SPTBN1: variants seen among roughly 807,000 people sequenced by gnomAD.
The protein encoded by SPTBN1 is spectrin beta, non-erythrocytic 1, also known as spectrin beta chain, non-erythrocytic 1.
In SPTBN1, 32 loss-of-function variants were observed where a neutral mutation model predicts 266.4. That is an observed-to-expected ratio of 0.12 (90% CI 0.09 to 0.16). The LOEUF (loss-of-function observed/expected upper bound fraction) is 0.16. Among genes scored for constraint, SPTBN1 ranks in the 10% least tolerant of loss-of-function variants. SPTBN1 has a pLI of 1.00. For synonymous variants in SPTBN1, 1,336 were observed against 1,162.2 expected, an observed-to-expected ratio of 1.15 and a Z score of -3.04; for missense variants, 2,296 against 3,067.1, an observed-to-expected ratio of 0.75 and a Z score of 5.94.
chr2:54,533,897 C>A lies in SPTBN1; in HGVS notation c.148+7331C>A, dbSNP rs1671424687. ...AAGATTGATCTCTCTCTCTGTCTCT[C>A]TCTCACACACACACACACACACACA... On this transcript the variant is annotated intron_variant, in intron 2 of 35. Coordinates refer to ENST00000356805, the MANE Select transcript of SPTBN1 (RefSeq NM_003128.3). This position sits in a 1 kb window ranked among gnomAD's most constrained non-coding sequence, Gnocchi z 4.2. 2.1e-5 allele frequency among the ~76,000 whole-genome samples: 2 copies of A among 93,394 alleles called. No individual in the cohort carries two copies. Among genetic ancestry groups the A allele is most frequent in the African/African-American group, 9.2e-5 (2 of 21,692 alleles). 61.3% of individuals were successfully genotyped at this position (93,394 alleles called of 152,430 possible). A position where few individuals can be genotyped will look rare whatever the true frequency, so the allele number is the denominator to read the frequency against.
chr2:54,660,269 C>G (rs1056638358), intron 32 of SPTBN1: 23 of 1,312,072 alleles, frequency 1.8e-5, no homozygotes, highest in Non-Finnish European at 2.2e-5. Flanking sequence ...TGCCTTAAAG[C>G]AGCATACTTA....
intron 1 of SPTBN1, among the ~76,000 whole-genome samples, chr2:54,499,546 G>A (rs1403439156): frequency 6.6e-6 from 1 of 152,180 alleles, no homozygotes; most frequent in East Asian, 1.9e-4. Flanking sequence ...AATCCACCAG[G>A]TTGCTTTACA....
chr2:54,634,055 C>T (rs969474503), intron 17 of SPTBN1, among the ~76,000 whole-genome samples: 1 of 152,196 alleles, frequency 6.6e-6, no homozygotes, highest in Non-Finnish European at 1.5e-5. Context: ...GCATTCATAA[C>T]CTAGGGAAAA....
chr2:54,457,670 C>A (rs957837731), intron 1 of SPTBN1, among the ~76,000 whole-genome samples: 1 of 152,212 alleles, frequency 6.6e-6, no homozygotes, highest in Non-Finnish European at 1.5e-5. Flanking sequence ...GGGCTTGGCA[C>A]GGCCGCTCGG....
At position 54,522,765 on chromosome 2, in the gene SPTBN1, TAGAA is replaced by T. The variant is rs551213019; in HGVS notation, c.-47-3603_-47-3600del. Among the ~76,000 whole-genome samples the T allele has an allele frequency of 2.5e-4, 37 of 149,820 alleles. No homozygotes were observed. The South Asian group carries it at 3.4e-3, about 14-fold the overall frequency. Reference sequence around the variant, plus strand: ...TGGAAAGCAGTTGTTGGTTCAGTGATAGAAAGAGAGATTCGCAGGTGGGGGCAGG... The same window carrying T: ...TGGAAAGCAGTTGTTGGTTCAGTGATAGAGAGATTCGCAGGTGGGGGCAGG... On this transcript the variant is annotated intron_variant, in intron 1 of 35. Coordinates refer to ENST00000356805, the MANE Select transcript of SPTBN1 (RefSeq NM_003128.3).
At position 54,481,439 on chromosome 2, in the gene SPTBN1, TG is replaced by T. The variant is rs1278247673; in HGVS notation, c.-48+24922del. Among the ~76,000 whole-genome samples the T allele has an allele frequency of 4.5e-3, 385 of 85,232 alleles. 1 individual carries two copies. Among genetic ancestry groups the T allele is most frequent in the African/African-American group, 0.023 (352 of 15,166 alleles). 55.9% of individuals were successfully genotyped at this position (85,232 alleles called of 152,430 possible). ...GTGTGTGTGTGTGTGTGTGTGTGTG[TG>T]TTTTGTTTTGTTTGTTTGTTTGTTT... On this transcript the variant is annotated intron_variant, in intron 1 of 35. Coordinates refer to ENST00000356805, the MANE Select transcript of SPTBN1 (RefSeq NM_003128.3).
chr2:54,619,328 G>A (rs1286794464), intron 7 of SPTBN1, among the ~76,000 whole-genome samples: 2 of 152,204 alleles, frequency 1.3e-5, no homozygotes, highest in African/African-American at 4.8e-5. Context: ...CTTGGGCTTC[G>A]ATAAATCTTC....
chr2:54,494,529 T>A (rs1668863798), intron 1 of SPTBN1, among the ~76,000 whole-genome samples: 1 of 152,246 alleles, frequency 6.6e-6, no homozygotes, highest in African/African-American at 2.4e-5. Flanking sequence ...CAAACTGTTG[T>A]AGCCATTTAA....
At chr2:54,661,354 A>G in intron 32 of SPTBN1, 2 of 985,778 alleles carry the variant, frequency 2.0e-6, no homozygotes, top group Non-Finnish European at 2.4e-6. Flanking sequence ...CCATATTTAG[A>G]TGTGTCAGTG....
At chr2:54,543,302 TG>T (rs1672043362) in intron 2 of SPTBN1, among the ~76,000 whole-genome samples, 1 of 152,220 alleles carries the variant, frequency 6.6e-6, no homozygotes, top group African/African-American at 2.4e-5. Context: ...CTGCACACAG[TG>T]GGCATGCATG....
intron 2 of SPTBN1, among the ~76,000 whole-genome samples, chr2:54,581,095 C>CT (rs1433862355): frequency 6.7e-6 from 1 of 150,366 alleles, no homozygotes; most frequent in African/African-American, 2.5e-5. Context: ...AAGACTTAGT[C>CT]TTAAAAAAAA....
chr2:54,637,683 TAAAAA>T, intron 17 of SPTBN1, 25 bp from the exon 18 acceptor site: 1 of 1,555,114 alleles, frequency 6.4e-7, no homozygotes, highest in Non-Finnish European at 8.8e-7. Context: ...CTTCCTTTTT[TAAAAA>T]TTATTTTTGT....
Position 54,647,197 on chromosome 2 carries a change from G to T in SPTBN1, c.4933G>T (p.Ala1645Ser). ...CTTAGAACAAGCTGTGGAGGACTAT[G>T]CAGAGACCGTGCATCAGCTCTCCAA... ...QILEQAVEDY[A>S]ETVHQLSKTS... is the part of the protein sequence containing the mutation. Residue 1645 changes from alanine to serine, a missense_variant, in exon 24 of 36, where the codon GCA (alanine) becomes TCA (serine). Transcript: ENST00000356805. 2 of 1,614,204 alleles carry T rather than the reference G, an allele frequency of 1.2e-6. No homozygotes were observed. Among genetic ancestry groups the T allele is most frequent in the Non-Finnish European group, 1.7e-6 (2 of 1,180,042 alleles).
intron 2 of SPTBN1, chr2:54,546,506 C>G (rs1402885610): frequency 6.6e-6 from 1 of 152,188 alleles, no homozygotes; most frequent in East Asian, 1.9e-4. Flanking sequence ...TATTTCTAAA[C>G]TACCAATTTA....
At chr2:54,571,960 G>A (rs1674113889) in intron 2 of SPTBN1, among the ~76,000 whole-genome samples, 1 of 152,108 alleles carries the variant, frequency 6.6e-6, no homozygotes, top group African/African-American at 2.4e-5. Flanking sequence ...GGCTTAGGCT[G>A]GGCCTATCTA....
In SPTBN1 at chr2:54,670,212, A is replaced by AG. The variant is rs1166972796; in HGVS notation, c.*1643_*1644insG. ...TATACAGATCAGACCAAAAAGAAGA[A>AG]AAAAAAAAAACAGGCAAGAGGTTAG... On this transcript the variant is annotated 3_prime_UTR_variant, in exon 36 of 36. Coordinates refer to ENST00000356805, the MANE Select transcript of SPTBN1 (RefSeq NM_003128.3). The AG allele has an allele frequency of 6.6e-6, 1 of 151,580 alleles. No homozygotes were observed. Among genetic ancestry groups the AG allele is most frequent in the Non-Finnish European group, 1.5e-5 (1 of 68,140 alleles). The allele number at this position is 151,580 out of a possible 1,614,324, so 9.4% of individuals were successfully genotyped here.
At chr2:54,660,888 GAA>G in intron 32 of SPTBN1, 2 of 985,450 alleles carry the variant, frequency 2.0e-6, no homozygotes, top group Non-Finnish European at 2.4e-6. Context: ...GCATGTTTTA[GAA>G]GCTTGCCTCA....
intron 1 of SPTBN1, among the ~76,000 whole-genome samples, chr2:54,518,118 A>G (rs1228133112): frequency 3.9e-5 from 6 of 152,040 alleles, no homozygotes; most frequent in Admixed American, 3.9e-4. Flanking sequence ...ATGAGCAGAG[A>G]ACTCTGAATG....
At chr2:54,480,896 G>A (rs1668060919) in intron 1 of SPTBN1, among the ~76,000 whole-genome samples, 1 of 152,210 alleles carries the variant, frequency 6.6e-6, no homozygotes, top group Non-Finnish European at 1.5e-5. Flanking sequence ...AGCTCTAGGA[G>A]TTCTCGGTTT....
Sources: allele counts gnomAD v4.1 joint callset (sites outside exome capture counted in the v4.1 genomes callset), GRCh38; gene constraint gnomAD v4.1.1; non-coding constraint Gnocchi (gnomAD v3.1); transcripts MANE v1.5; gene names NCBI Gene and HGNC (gene_info 2026-07-23, HGNC 2026-07-21).